Variants in KDM2B observed in about 807,000 individuals in gnomAD.
KDM2B encodes the protein lysine demethylase 2B.
KDM2B carries 26 observed loss-of-function variants against 150.0 expected under a neutral mutation model. The observed-to-expected ratio is 0.17, with a 90% CI of 0.13 to 0.24. The LOEUF is 0.24. KDM2B is among the 10% of genes least tolerant of loss of function. KDM2B has a pLI of 1.00. For synonymous variants in KDM2B, 734 were observed against 729.5 expected (o/e 1.01, Z -0.10); for missense variants, 1,265 against 1,816.9 (o/e 0.70, Z 5.52).
At chr12:121,435,185 C>T (rs1187743739) in intron 22 of KDM2B, among the ~76,000 whole-genome samples, 1 of 152,088 alleles carries the variant, frequency 6.6e-6, no homozygotes, top group Non-Finnish European at 1.5e-5. Context: ...GAAAAAAAGT[C>T]TGGAGATGGA....
intron 12 of KDM2B, among the ~76,000 whole-genome samples, chr12:121,460,789 G>A (rs1879006459): frequency 6.6e-6 from 1 of 152,072 alleles, no homozygotes; most frequent in African/African-American, 2.4e-5. Context: ...TAGGGATGGG[G>A]TCTTGCTATG....
At chr12:121,437,508 GAAA>G (rs140170154) in intron 22 of KDM2B, among the ~76,000 whole-genome samples, 1 of 150,702 alleles carries the variant, frequency 6.6e-6, no homozygotes, top group Non-Finnish European at 1.5e-5. Flanking sequence ...GTCCACATGG[GAAA>G]AAAAAAGAAA....
At chr12:121,463,436 G>A (rs144974267) in intron 12 of KDM2B, among the ~76,000 whole-genome samples, 2,051 of 152,228 alleles carry the variant, frequency 0.013, 47 homozygotes, top group African/African-American at 0.047. Flanking sequence ...AAGCCTGCAC[G>A]TTCTGCACAT....
At chr12:121,446,177 C>T (rs1371354859) in intron 13 of KDM2B, among the ~76,000 whole-genome samples, 2 of 152,184 alleles carry the variant, frequency 1.3e-5, no homozygotes, top group Non-Finnish European at 2.9e-5. Context: ...GGGCGGATCA[C>T]AAGGTCAGGA....
At chr12:121,456,187 G>C (rs994902119) in intron 12 of KDM2B, among the ~76,000 whole-genome samples, 3 of 152,244 alleles carry the variant, frequency 2.0e-5, no homozygotes, top group Non-Finnish European at 4.4e-5. Context: ...CTAAACCACA[G>C]CAAATGCATG....
the KDM2B span, chr12:121,417,740 C>G: frequency 1.1e-5 from 17 of 1,614,148 alleles, no homozygotes; most frequent in African/African-American, 1.5e-4. This position sits in a 1 kb window ranked among gnomAD's most constrained non-coding sequence, Gnocchi z 5.0. Flanking sequence ...ATGGACTAGG[C>G]TCTGAGGACG....
Position 121,430,056 on chromosome 12 carries a change from T to C in KDM2B, c.*232A>G. On this transcript the variant is annotated 3_prime_UTR_variant, in exon 23 of 23. Coordinates refer to ENST00000377071, the MANE Select transcript of KDM2B (RefSeq NM_032590.5). The surrounding 1 kb of genome is among the most constrained non-coding windows in gnomAD (Gnocchi z 4.4). The stretch of plus-strand genomic sequence containing the variant: ...GAATGTCTTCTTGTAAAGGCCGCCT[T>C]AGAAATGGTCCAGAAAGCAGTGCAG... 4 of 1,435,424 alleles carry C rather than the reference T, an allele frequency of 2.8e-6. No individual in the cohort carries two copies. The highest frequency in any genetic ancestry group is 2.3e-5 in the East Asian group (1 of 44,004). The allele number at this position is 1,435,424 out of a possible 1,614,324, so 88.9% of individuals were successfully genotyped here. A position where few individuals can be genotyped will look rare whatever the true frequency, so the allele number is the denominator to read the frequency against.
In KDM2B at chr12:121,440,818, G is replaced by A; in HGVS notation, c.3608C>T (p.Pro1203Leu). 1 of 1,608,964 alleles carries A rather than the reference G, an allele frequency of 6.2e-7. No homozygotes were observed. Among genetic ancestry groups the A allele is most frequent in the Non-Finnish European group, 8.5e-7 (1 of 1,177,236 alleles). Reference sequence around the variant, plus strand: ...AAACCCCCAGCCTGGCAACTCACCTGGCCTGTTGTCTGTGGGCGGGGACAG... The same window carrying A: ...AAACCCCCAGCCTGGCAACTCACCTAGCCTGTTGTCTGTGGGCGGGGACAG... ...DLLSPPTDNR[P>L]GQMDNRSKLR... The change falls in exon 21 of 23, where the codon CCA (proline) becomes CTA (leucine). Residue 1203 changes from proline to leucine, a missense_variant and splice_region_variant. Physicochemically the swap from Pro to Leu is moderately conservative, Grantham distance 98 (BLOSUM62 -3). Transcript: ENST00000377071.
chr12:121,441,032 G>A, intron 20 of KDM2B, 38 bp downstream of exon 20: 4 of 1,613,046 alleles, frequency 2.5e-6, no homozygotes, highest in Non-Finnish European at 3.4e-6. Flanking sequence ...AGCCCTCACT[G>A]CAGCAGACAC....
chr12:121,431,425 A>G (rs1404417089), intron 22 of KDM2B, among the ~76,000 whole-genome samples: 2 of 150,864 alleles, frequency 1.3e-5, no homozygotes, highest in African/African-American at 4.9e-5. Context: ...CTGGGATTAC[A>G]GGCTTGCGCT....
chr12:121,415,301 A>G, the KDM2B span: 1 of 384,078 alleles, frequency 2.6e-6, no homozygotes, highest in Non-Finnish European at 5.6e-6. Context: ...CAAATGCGAA[A>G]ACAGAGGTTT....
chr12:121,471,895 G>C (rs1422578924), intron 12 of KDM2B, among the ~76,000 whole-genome samples: 1 of 152,184 alleles, frequency 6.6e-6, no homozygotes, highest in Non-Finnish European at 1.5e-5. Context: ...GGCTTTGGGC[G>C]TGGATCACTT....
At chr12:121,412,594 G>A in the KDM2B span, among the ~76,000 whole-genome samples, 1 of 151,934 alleles carries the variant, frequency 6.6e-6, no homozygotes, top group African/African-American at 2.4e-5. Context: ...GGTCAGTCCA[G>A]TCTCGAACTC....
intron 6 of KDM2B, among the ~76,000 whole-genome samples, chr12:121,541,898 G>A (rs1285691604): frequency 4.6e-5 from 7 of 152,074 alleles, no homozygotes; most frequent in East Asian, 1.9e-4. Context: ...AGAACCCAGC[G>A]GTGCTAAGTG....
intron 6 of KDM2B, chr12:121,536,152 T>C (rs1888077229): frequency 1.0e-6 from 1 of 968,092 alleles, no homozygotes; most frequent in Non-Finnish European, 1.2e-6. Context: ...CTGAGCTGGT[T>C]AGAAGGCGGA....
intron 13 of KDM2B, among the ~76,000 whole-genome samples, chr12:121,449,022 A>C (rs1876764547): frequency 6.6e-6 from 1 of 152,208 alleles, no homozygotes; most frequent in Admixed American, 6.5e-5. Flanking sequence ...GCCAAAGGGG[A>C]CGTCTGGGGA....
At chr12:121,437,147 G>A (rs1445019715) in intron 22 of KDM2B, among the ~76,000 whole-genome samples, 2 of 151,902 alleles carry the variant, frequency 1.3e-5, no homozygotes, top group Admixed American at 6.6e-5. Context: ...AGGAGAAAAC[G>A]GAAGGGGAGG....
At chr12:121,486,463 G>A (rs1247679247) in intron 12 of KDM2B, among the ~76,000 whole-genome samples, 2 of 149,908 alleles carry the variant, frequency 1.3e-5, no homozygotes, top group Non-Finnish European at 1.5e-5. Flanking sequence ...ACAGGCGTGA[G>A]CCACTGCGCC....
chr12:121,506,854 T>G (rs1201933835), intron 11 of KDM2B, among the ~76,000 whole-genome samples: 2 of 152,060 alleles, frequency 1.3e-5, no homozygotes, highest in Non-Finnish European at 2.9e-5. Flanking sequence ...GAGAATCACT[T>G]GAACCCCAGA....
Sources: gnomAD v4.1 joint callset for allele counts (sites outside exome capture counted in the v4.1 genomes callset) on GRCh38, gnomAD v4.1.1 for gene constraint, Gnocchi (gnomAD v3.1) non-coding constraint, MANE v1.5 for transcripts, NCBI Gene and HGNC (gene_info 2026-07-23, HGNC 2026-07-21) for gene names.